GABBR2: variants seen among roughly 807,000 people sequenced by gnomAD.
GABBR2 encodes G-protein coupled receptor 51.
Under a neutral mutation model 105.6 loss-of-function variants are expected in GABBR2, and 23 were observed. The ratio of observed to expected loss-of-function variants is 0.22; its 90% CI spans 0.16 to 0.31. The LOEUF (loss-of-function observed/expected upper bound fraction) is 0.31. GABBR2 is among the 10% of genes least tolerant of loss of function. The probability of loss-of-function intolerance (pLI) is 1.00; values close to 1 mark genes in which losing one functional copy is unlikely to be tolerated. For missense variants in GABBR2, 734 were observed against 1,245.5 expected (o/e 0.59, Z 6.18); for synonymous variants, 478 against 499.7 (o/e 0.96, Z 0.58).
At chr9:98,521,266 C>A (rs1827859821) in intron 3 of GABBR2, among the ~76,000 whole-genome samples, 1 of 152,128 alleles carries the variant, frequency 6.6e-6, no homozygotes, top group Non-Finnish European at 1.5e-5. Context: ...GCCAACAGAA[C>A]CAGATTGAAG....
At chr9:98,400,075 T>G (rs1489678436) in intron 8 of GABBR2, among the ~76,000 whole-genome samples, 2 of 149,710 alleles carry the variant, frequency 1.3e-5, no homozygotes, top group African/African-American at 4.9e-5. Context: ...GTTCAGCTAC[T>G]TGGGAGGCTG....
At chr9:98,432,870 C>T (rs1311665959) in intron 7 of GABBR2, among the ~76,000 whole-genome samples, 1 of 152,194 alleles carries the variant, frequency 6.6e-6, no homozygotes, top group Non-Finnish European at 1.5e-5. Context: ...GGCCTCCAGT[C>T]TGGTCACCAC....
intron 13 of GABBR2, among the ~76,000 whole-genome samples, chr9:98,318,258 G>T (rs1222194188): frequency 1.3e-5 from 2 of 152,236 alleles, no homozygotes; most frequent in Non-Finnish European, 2.9e-5. Context: ...AGTTCCAGGG[G>T]AGGAGCTGAT....
intron 1 of GABBR2, among the ~76,000 whole-genome samples, chr9:98,610,023 G>A (rs1164491867): frequency 6.6e-6 from 1 of 152,188 alleles, no homozygotes; most frequent in Non-Finnish European, 1.5e-5. Flanking sequence ...TGGATGTCAG[G>A]GGCTGTGGCT....
At chr9:98,577,295 T>C (rs935221288) in intron 2 of GABBR2, among the ~76,000 whole-genome samples, 10 of 88,122 alleles carry the variant, frequency 1.1e-4, no homozygotes, top group African/African-American at 4.5e-4. Context: ...TACACTCTTC[T>C]TTCCCATCCC....
intron 5 of GABBR2, 69 bp downstream of exon 5, chr9:98,480,863 G>T: frequency 1.1e-6 from 1 of 873,484 alleles, no homozygotes. Flanking sequence ...TGAGCAGGGA[G>T]ATAATGAGTA....
intron 1 of GABBR2, among the ~76,000 whole-genome samples, chr9:98,620,842 G>T (rs190023163): frequency 6.6e-6 from 1 of 152,080 alleles, no homozygotes; most frequent in African/African-American, 2.4e-5. Flanking sequence ...ATCCCACTTC[G>T]CTATCTGCGG....
At chr9:98,646,609 T>C (rs556010538) in intron 1 of GABBR2, among the ~76,000 whole-genome samples, 2 of 152,300 alleles carry the variant, frequency 1.3e-5, no homozygotes, top group African/African-American at 2.4e-5. Flanking sequence ...CTCCAACGCA[T>C]CTTCAAAAGC....
intron 17 of GABBR2, among the ~76,000 whole-genome samples, chr9:98,294,812 G>A (rs1830355556): frequency 6.6e-6 from 1 of 152,034 alleles, no homozygotes; most frequent in Admixed American, 6.5e-5. Context: ...TTAAAATGTT[G>A]GAACTCATCT....
intron 13 of GABBR2, among the ~76,000 whole-genome samples, chr9:98,321,525 G>C (rs114336148): frequency 0.062 from 9,378 of 152,266 alleles, 364 homozygotes; most frequent in African/African-American, 0.09. Context: ...TCTGTCCTGA[G>C]AGTGGAGCCC....
chr9:98,305,676 G>A (rs60654357), intron 15 of GABBR2, among the ~76,000 whole-genome samples: 11,729 of 152,122 alleles, frequency 0.077, 1,545 homozygotes, highest in African/African-American at 0.27. Context: ...TTAGCCAGGC[G>A]TGGTGGTGCA....
intron 2 of GABBR2, among the ~76,000 whole-genome samples, chr9:98,569,894 T>C (rs981219800): frequency 3.9e-5 from 6 of 152,236 alleles, no homozygotes; most frequent in Admixed American, 3.9e-4. Flanking sequence ...GAGAAAATCA[T>C]GTCAGATCAC....
chr9:98,495,398 T>C (rs942321138), intron 4 of GABBR2, among the ~76,000 whole-genome samples: 5 of 152,282 alleles, frequency 3.3e-5, no homozygotes, highest in African/African-American at 7.2e-5. Context: ...TCCATGCTAA[T>C]GACTTTAAGT....
At chr9:98,308,807 A>G (rs1255786750) in intron 14 of GABBR2, among the ~76,000 whole-genome samples, 1 of 152,212 alleles carries the variant, frequency 6.6e-6, no homozygotes, top group East Asian at 1.9e-4. Flanking sequence ...GAAAGAATAC[A>G]TTTCTGTTTG....
intron 9 of GABBR2, among the ~76,000 whole-genome samples, chr9:98,392,200 C>T (rs2131502130): frequency 6.6e-6 from 1 of 152,326 alleles, no homozygotes; most frequent in East Asian, 1.9e-4. Flanking sequence ...GACCTGGTAC[C>T]CTCTGACTGT....
At chr9:98,659,525 TC>T (rs62988060) in intron 1 of GABBR2, among the ~76,000 whole-genome samples, 72,504 of 100,898 alleles carry the variant, frequency 0.72, 25,692 homozygotes, top group Non-Finnish European at 0.75. Context: ...TCTTTTCTTT[TC>T]TTTTTTTTTT....
chr9:98,351,055 C>G (rs1420387448), intron 13 of GABBR2, among the ~76,000 whole-genome samples: 5 of 152,004 alleles, frequency 3.3e-5, no homozygotes, highest in African/African-American at 1.2e-4. Flanking sequence ...ATAGCTAATT[C>G]TGCACGCTTT....
At position 98,521,901 on chromosome 9, in the gene GABBR2, C is replaced by A. The variant is rs147219188; in HGVS notation, c.630+19972G>T. Among the ~76,000 whole-genome samples, 7 of 152,040 alleles carry A rather than the reference C, an allele frequency of 4.6e-5. No homozygotes were observed. In the East Asian group the frequency reaches 1.4e-3, roughly 29 times the overall value. On this transcript the variant is annotated intron_variant, in intron 3 of 18. Coordinates refer to ENST00000259455, the MANE Select transcript of GABBR2 (RefSeq NM_005458.8). Reference sequence around the variant, plus strand: ...AAAGGAAACAAACAAGGAATTCAAGCAAAGAAAGAATATCATCTCTAAAAA... The same window carrying A: ...AAAGGAAACAAACAAGGAATTCAAGAAAAGAAAGAATATCATCTCTAAAAA...
intron 13 of GABBR2, among the ~76,000 whole-genome samples, chr9:98,314,066 C>T (rs113997629): frequency 1.8e-3 from 272 of 152,260 alleles, no homozygotes; most frequent in African/African-American, 6.3e-3. Context: ...GGTCCATGTG[C>T]ATTGAGTCCA....
Sources: gnomAD v4.1 joint callset for allele counts (sites outside exome capture counted in the v4.1 genomes callset) on GRCh38, gnomAD v4.1.1 for gene constraint, MANE v1.5 for transcripts, NCBI Gene and HGNC (gene_info 2026-07-23, HGNC 2026-07-21) for gene names.